Variants in SND1 observed in about 807,000 individuals in gnomAD.
SND1 encodes the protein staphylococcal nuclease and tudor domain containing 1, also known as staphylococcal nuclease domain-containing protein 1.
SND1 carries 38 observed loss-of-function variants against 121.7 expected under a neutral mutation model. The observed-to-expected ratio is 0.31, with a 90% CI of 0.24 to 0.41. The LOEUF (loss-of-function observed/expected upper bound fraction) is 0.41. Among genes scored for constraint, SND1 ranks in the 10% least tolerant of loss-of-function variants. The pLI is 1.00. For synonymous variants in SND1, 401 were observed against 447.4 expected (o/e 0.90, Z 1.31); for missense variants, 868 against 1,184.6 (o/e 0.73, Z 3.92).
At chr7:127,866,790 TCTTA>T (rs1799486932) in intron 12 of SND1, among the ~76,000 whole-genome samples, 1 of 152,204 alleles carries the variant, frequency 6.6e-6, no homozygotes, top group African/African-American at 2.4e-5. Context: ...CAGTCTCATC[TCTTA>T]CTTTATGGAG....
At chr7:128,068,706 TCTC>T (rs1442328759) in intron 16 of SND1, among the ~76,000 whole-genome samples, 1 of 152,150 alleles carries the variant, frequency 6.6e-6, no homozygotes, top group African/African-American at 2.4e-5. Flanking sequence ...GCTCTTCTTT[TCTC>T]CTCCCCCTTC....
chr7:127,658,901 G>A (rs1391100122), intron 1 of SND1, among the ~76,000 whole-genome samples: 1 of 152,232 alleles, frequency 6.6e-6, no homozygotes, highest in East Asian at 1.9e-4. Flanking sequence ...TCTAAGGCCT[G>A]TTGTCCACTC....
intron 22 of SND1, 118 bp downstream of exon 22, chr7:128,089,810 A>G: frequency 1.1e-6 from 1 of 933,584 alleles, no homozygotes; most frequent in South Asian, 1.6e-5. Flanking sequence ...CTGCTGAGGA[A>G]AGATAATGGA....
intron 10 of SND1, among the ~76,000 whole-genome samples, chr7:127,800,609 C>CT (rs1165969452): frequency 6.6e-6 from 1 of 152,138 alleles, no homozygotes; most frequent in Non-Finnish European, 1.5e-5. Flanking sequence ...TTCTCTCCCT[C>CT]AACACTTTTG....
At chr7:127,835,217 G>T (rs1420619951) in intron 11 of SND1, among the ~76,000 whole-genome samples, 1 of 151,988 alleles carries the variant, frequency 6.6e-6, no homozygotes, top group African/African-American at 2.4e-5. Flanking sequence ...TCATATTCTT[G>T]TTCCTCTCAT....
chr7:127,903,039 A>G (rs192969888), intron 13 of SND1, among the ~76,000 whole-genome samples: 31 of 151,694 alleles, frequency 2.0e-4, no homozygotes, highest in African/African-American at 7.5e-4. Flanking sequence ...CTGCCACCAC[A>G]CCCAGCTAAT....
Position 128,071,782 on chromosome 7 carries a change from T to C in SND1, c.1780-2720T>C, listed in dbSNP as rs148402937. 4.4e-3 allele frequency among the ~76,000 whole-genome samples: 674 copies of C among 152,312 alleles called. 15 individuals are homozygous for C. The highest frequency in any genetic ancestry group is 0.04 in the Admixed American group (616 of 15,300). On this transcript the variant is annotated intron_variant, in intron 16 of 23. Transcript: ENST00000354725. ...TGCCTTTGTTTGATTGAGAAATTAC[T>C]GTGGCTGTGGCAGCTGTAATAAAAG...
chr7:127,725,622 G>A (rs73723056), intron 10 of SND1, among the ~76,000 whole-genome samples: 2,597 of 152,302 alleles, frequency 0.017, 94 homozygotes, highest in African/African-American at 0.059. Flanking sequence ...ATGGACGGTG[G>A]AGGGCCTTGA....
intron 16 of SND1, among the ~76,000 whole-genome samples, chr7:128,000,368 CTT>C (rs34812649): frequency 3.3e-4 from 44 of 135,114 alleles, no homozygotes; most frequent in Admixed American, 3.0e-4. Flanking sequence ...GCTTTTGCTT[CTT>C]TTTTTTTTTT....
At chr7:127,945,778 C>G (rs1381136092) in intron 15 of SND1, among the ~76,000 whole-genome samples, 4 of 152,194 alleles carry the variant, frequency 2.6e-5, no homozygotes, top group African/African-American at 9.6e-5. Context: ...TTAATGAGTA[C>G]TTACATGCTG....
intron 9 of SND1, among the ~76,000 whole-genome samples, chr7:127,708,499 G>T (rs1796245438): frequency 1.3e-5 from 2 of 151,624 alleles, no homozygotes; most frequent in Admixed American, 1.3e-4. Flanking sequence ...CTTATGATGG[G>T]TTTATCAGGA....
At chr7:127,948,744 T>G (rs536982980) in intron 15 of SND1, among the ~76,000 whole-genome samples, 1 of 152,352 alleles carries the variant, frequency 6.6e-6, no homozygotes, top group African/African-American at 2.4e-5. Context: ...GCTGCTTGTT[T>G]GGGATTCACC....
intron 13 of SND1, among the ~76,000 whole-genome samples, chr7:127,891,059 G>A (rs1307052673): frequency 1.3e-5 from 2 of 152,142 alleles, no homozygotes; most frequent in Non-Finnish European, 2.9e-5. Context: ...GAGCAGTCTT[G>A]TCAGTGAGCC....
At chr7:128,077,050 C>G (rs752706982) in intron 17 of SND1, among the ~76,000 whole-genome samples, 2 of 152,206 alleles carry the variant, frequency 1.3e-5, no homozygotes, top group African/African-American at 4.8e-5. Context: ...GTCCCCCCTC[C>G]TTAACCCCAT....
At chr7:128,049,538 G>GGTCATTAT (rs1793010098) in intron 16 of SND1, among the ~76,000 whole-genome samples, 1 of 151,980 alleles carries the variant, frequency 6.6e-6, no homozygotes, top group Non-Finnish European at 1.5e-5. Context: ...ACCTCCCCAA[G>GGTCATTAT]CACCACCTGT....
At chr7:127,994,549 C>CAAAAAAAAAAAAAAAAAAAAAAAAAA in intron 16 of SND1, among the ~76,000 whole-genome samples, 1 of 46,218 alleles carries the variant, frequency 2.2e-5, no homozygotes, top group Non-Finnish European at 3.8e-5. Context: ...CACTTTTACT[C>CAAAAAAAAAAAAAAAAAAAAAAAAAA]AAAAAAAAAA....
At chr7:127,853,501 A>G (rs1186536337) in intron 12 of SND1, among the ~76,000 whole-genome samples, 1 of 152,196 alleles carries the variant, frequency 6.6e-6, no homozygotes, top group Non-Finnish European at 1.5e-5. Flanking sequence ...CTGTGAAGAC[A>G]TCCTTTAGTA....
At chr7:127,665,274 T>C (rs1476241048) in intron 1 of SND1, among the ~76,000 whole-genome samples, 3 of 151,818 alleles carry the variant, frequency 2.0e-5, no homozygotes, top group African/African-American at 4.8e-5. Flanking sequence ...GCAAGCTCCG[T>C]CTCCCGGGTT....
chr7:128,030,116 G>A, intron 16 of SND1: 1 of 1,614,074 alleles, frequency 6.2e-7, no homozygotes, highest in Non-Finnish European at 8.5e-7. Flanking sequence ...CCAAGTCCAG[G>A]CGCATGAGGG....
Sources: allele counts gnomAD v4.1 joint callset (sites outside exome capture counted in the v4.1 genomes callset), GRCh38; gene constraint gnomAD v4.1.1; transcripts MANE v1.5; gene names NCBI Gene and HGNC (gene_info 2026-07-23, HGNC 2026-07-21).